CAMKMT: variants seen among roughly 807,000 people sequenced by gnomAD.
CAMKMT encodes calmodulin-lysine N-methyltransferase.
Under a neutral mutation model 48.0 loss-of-function variants are expected in CAMKMT, and 53 were observed. The ratio of observed to expected loss-of-function variants is 1.10; its 90% CI spans 0.89 to 1.39. The LOEUF (loss-of-function observed/expected upper bound fraction) is 1.39, where lower values mean the gene tolerates loss of function less well. Among genes scored for constraint, CAMKMT ranks in the 40% most tolerant of loss-of-function variants. The pLI, the probability that CAMKMT is intolerant of heterozygous loss-of-function variation, is 0.00. For missense variants in CAMKMT, 428 were observed against 402.7 expected (o/e 1.06, Z -0.54); for synonymous variants, 165 against 152.3 (o/e 1.08, Z -0.61).
chr2:44,621,947 C>T (rs1672218828), intron 3 of CAMKMT, among the ~76,000 whole-genome samples: 1 of 152,122 alleles, frequency 6.6e-6, no homozygotes, highest in Admixed American at 6.5e-5. Context: ...GATTGAAATA[C>T]ATGAATTCAA....
At chr2:44,705,752 A>C (rs1382879738) in intron 4 of CAMKMT, among the ~76,000 whole-genome samples, 1 of 152,078 alleles carries the variant, frequency 6.6e-6, no homozygotes, top group African/African-American at 2.4e-5. Flanking sequence ...CTTTATGGGG[A>C]CTGTTCAGCT....
intron 3 of CAMKMT, among the ~76,000 whole-genome samples, chr2:44,532,824 T>G (rs944727368): frequency 6.6e-6 from 1 of 152,100 alleles, no homozygotes; most frequent in Non-Finnish European, 1.5e-5. Context: ...AAAGTTTTTT[T>G]TTTTTTTTGA....
chr2:44,768,361 A>ATATTTTT (rs35058824), intron 10 of CAMKMT, among the ~76,000 whole-genome samples: 20 of 115,724 alleles, frequency 1.7e-4, no homozygotes, highest in African/African-American at 6.7e-4. Context: ...ATATATATAT[A>ATATTTTT]TTTTTTTTTT....
chr2:44,653,755 G>T lies in CAMKMT; in HGVS notation c.377-50528G>T, dbSNP rs1046883233. On this transcript the variant is annotated intron_variant, in intron 3 of 10. Coordinates refer to ENST00000378494, the MANE Select transcript of CAMKMT (RefSeq NM_024766.5). This position sits in a 1 kb window ranked among gnomAD's most constrained non-coding sequence, Gnocchi z 5.2. Reference sequence around the variant, plus strand: ...ATTGTAGATATAATAGCAATAATTTGGAGTTATTTTTATTCATTTTAATGA... The same window carrying T: ...ATTGTAGATATAATAGCAATAATTTTGAGTTATTTTTATTCATTTTAATGA... 6.6e-6 allele frequency among the ~76,000 whole-genome samples: 1 copy of T among 152,098 alleles called. No individual in the cohort carries two copies. Among genetic ancestry groups the T allele is most frequent in the African/African-American group, 2.4e-5 (1 of 41,414 alleles).
chr2:44,565,843 T>G (rs967186585), intron 3 of CAMKMT, among the ~76,000 whole-genome samples: 11 of 152,170 alleles, frequency 7.2e-5, no homozygotes, highest in African/African-American at 2.2e-4. Context: ...ACCCTAAAAA[T>G]AAATAGGAAG....
In CAMKMT at chr2:44,752,322, A is replaced by C. The variant is rs188493702; in HGVS notation, c.699-1733A>C. 2.2e-3 allele frequency among the ~76,000 whole-genome samples: 330 copies of C among 151,990 alleles called. 1 individual carries two copies. The highest frequency in any genetic ancestry group is 0.017 in the Middle Eastern group (5 of 292). ...TACTTTTGCACCAACATAATATCAG[A>C]TCACGTATCCCAATATGGGGTTCAG... On this transcript the variant is annotated intron_variant, in intron 8 of 10. Transcript: ENST00000378494.
chr2:44,631,457 GAA>G (rs145937282), intron 3 of CAMKMT: 111 of 569,392 alleles, frequency 1.9e-4, no homozygotes, highest in African/African-American at 1.9e-3. Context: ...GTTTAAATAA[GAA>G]AAAAAAACAA....
intron 3 of CAMKMT, among the ~76,000 whole-genome samples, chr2:44,481,018 T>C (rs1243705394): frequency 1.3e-5 from 2 of 152,190 alleles, no homozygotes; most frequent in East Asian, 3.9e-4. Context: ...TGTGTGTGTG[T>C]ATGTATATAT....
chr2:44,711,800 G>A (rs1181569169), intron 6 of CAMKMT, among the ~76,000 whole-genome samples: 1 of 152,176 alleles, frequency 6.6e-6, no homozygotes, highest in Non-Finnish European at 1.5e-5. Context: ...ACTCCATTAA[G>A]CCTAACAAAT....
chr2:44,459,515 T>G (rs901739517), intron 3 of CAMKMT, among the ~76,000 whole-genome samples: 4 of 152,228 alleles, frequency 2.6e-5, no homozygotes, highest in African/African-American at 9.6e-5. Context: ...AGAAAGGTAT[T>G]TAAGCAGCAA....
At chr2:44,627,578 G>C (rs2103955678) in intron 3 of CAMKMT, among the ~76,000 whole-genome samples, 1 of 150,846 alleles carries the variant, frequency 6.6e-6, no homozygotes, top group African/African-American at 2.4e-5. Flanking sequence ...GGCCTCTTCA[G>C]ATTTTTTACT....
At chr2:44,609,678 A>T (rs935506113) in intron 3 of CAMKMT, among the ~76,000 whole-genome samples, 2 of 152,182 alleles carry the variant, frequency 1.3e-5, no homozygotes, top group African/African-American at 4.8e-5. Context: ...TGAAATTACA[A>T]ACTTTGTTCT....
intron 3 of CAMKMT, among the ~76,000 whole-genome samples, chr2:44,658,815 G>C (rs1674516122): frequency 6.6e-6 from 1 of 152,132 alleles, no homozygotes; most frequent in Non-Finnish European, 1.5e-5. Context: ...AAGCTAGTCT[G>C]TTTCCTTCCA....
At chr2:44,602,592 C>G (rs1671060607) in intron 3 of CAMKMT, among the ~76,000 whole-genome samples, 1 of 151,986 alleles carries the variant, frequency 6.6e-6, no homozygotes, top group African/African-American at 2.4e-5. Flanking sequence ...CACAGTTCCA[C>G]AAGCTTAACA....
chr2:44,390,420 T>A (rs1244690240), intron 3 of CAMKMT, 115 bp downstream of exon 3: 2 of 668,940 alleles, frequency 3.0e-6, no homozygotes, highest in African/African-American at 1.9e-5. Flanking sequence ...TGCATATATG[T>A]ATATATAATA....
At chr2:44,466,424 A>C (rs1412633395) in intron 3 of CAMKMT, among the ~76,000 whole-genome samples, 1 of 152,220 alleles carries the variant, frequency 6.6e-6, no homozygotes, top group Non-Finnish European at 1.5e-5. Flanking sequence ...ACTCTTGAAC[A>C]ACCACTGTGT....
At chr2:44,735,626 G>A (rs1256880069) in intron 7 of CAMKMT, among the ~76,000 whole-genome samples, 3 of 151,888 alleles carry the variant, frequency 2.0e-5, no homozygotes, top group African/African-American at 7.3e-5. Context: ...CTGTGGCTGG[G>A]CATGGTGGCT....
At chr2:44,499,899 T>C (rs927895604) in intron 3 of CAMKMT, among the ~76,000 whole-genome samples, 3 of 151,874 alleles carry the variant, frequency 2.0e-5, no homozygotes, top group African/African-American at 7.3e-5. Context: ...AGAGATGACA[T>C]TGGGTTTATA....
intron 3 of CAMKMT, among the ~76,000 whole-genome samples, chr2:44,579,209 T>C (rs1572844834): frequency 6.8e-6 from 1 of 148,142 alleles, no homozygotes; most frequent in Non-Finnish European, 1.5e-5. Flanking sequence ...CCCACATATA[T>C]AAAATAGTAT....
Sources: allele counts gnomAD v4.1 joint callset (sites outside exome capture counted in the v4.1 genomes callset), GRCh38; gene constraint gnomAD v4.1.1; non-coding constraint Gnocchi (gnomAD v3.1); transcripts MANE v1.5; gene names NCBI Gene and HGNC (gene_info 2026-07-23, HGNC 2026-07-21).